WDR5: variants seen among roughly 807,000 people sequenced by gnomAD.
The protein encoded by WDR5 is WD repeat domain 5.
For missense variants in WDR5, 187 were observed against 416.9 expected (o/e 0.45, Z 4.80); for synonymous variants, 144 against 161.6 (o/e 0.89, Z 0.83).
At chr9:134,155,475 A>T (rs1832706490) in intron 11 of WDR5, 102 bp downstream of exon 11, 4 of 1,460,948 alleles carry the variant, frequency 2.7e-6, no homozygotes, top group African/African-American at 2.8e-5. Context: ...AGAGGAGCTC[A>T]GAGAGCCATC....
chr9:134,154,333 G>T, intron 9 of WDR5, 133 bp from the exon 10 acceptor site: 1 of 891,194 alleles, frequency 1.1e-6, no homozygotes, highest in Non-Finnish European at 1.8e-6. Flanking sequence ...GCGAGGGGTG[G>T]TGGTGCTGGC....
chr9:134,155,665 G>C (rs959247077), intron 11 of WDR5, 28 bp from the exon 12 acceptor site: 3 of 1,610,162 alleles, frequency 1.9e-6, no homozygotes, highest in Non-Finnish European at 2.5e-6. Context: ...CCATGACTCT[G>C]TGACCAGCCT....
At chr9:134,147,633 G>T (rs909980797) in intron 7 of WDR5, among the ~76,000 whole-genome samples, 2 of 152,174 alleles carry the variant, frequency 1.3e-5, no homozygotes, top group Non-Finnish European at 2.9e-5. Flanking sequence ...TTAAACCACG[G>T]CTTCCTTGTG....
Position 134,141,933 on chromosome 9 carries a change from GT to G in WDR5, c.265-10del. 6.2e-7 allele frequency: 1 copy of G among 1,613,460 alleles called. No individual in the cohort carries two copies. The highest frequency in any genetic ancestry group is 1.1e-5 in the South Asian group (1 of 91,058). ...TTTGTCCTGTCAAGTTACTGACCCTGTTTTTTCTCCCCAAGGGAATATCCGA... is the reference window on the plus strand; with the variant it reads ...TTTGTCCTGTCAAGTTACTGACCCTGTTTTTCTCCCCAAGGGAATATCCGA... On this transcript the variant is annotated splice_polypyrimidine_tract_variant and intron_variant, in intron 4 of 13. Transcript: ENST00000358625.
At chr9:134,145,423 C>T (rs1832142133) in intron 7 of WDR5, among the ~76,000 whole-genome samples, 1 of 152,174 alleles carries the variant, frequency 6.6e-6, no homozygotes, top group Non-Finnish European at 1.5e-5. Context: ...TGTCTGCGCA[C>T]ATCTATGCCC....
chr9:134,149,512 G>A (rs1832387679), intron 8 of WDR5, among the ~76,000 whole-genome samples: 1 of 152,248 alleles, frequency 6.6e-6, no homozygotes, highest in Non-Finnish European at 1.5e-5. Flanking sequence ...CACAGGGTGA[G>A]CTATGGGCGA....
At chr9:134,144,801 A>G (rs1482951294) in intron 7 of WDR5, among the ~76,000 whole-genome samples, 1 of 152,074 alleles carries the variant, frequency 6.6e-6, no homozygotes, top group East Asian at 1.9e-4. Context: ...GTACCACTGC[A>G]CTCCAGCCTG....
chr9:134,143,258 A>G (rs1831990848), intron 7 of WDR5, among the ~76,000 whole-genome samples: 1 of 152,202 alleles, frequency 6.6e-6, no homozygotes, highest in South Asian at 2.1e-4. Flanking sequence ...AACGGCCGAG[A>G]GGCCGGGCGT....
At chr9:134,147,385 C>T (rs187885061) in intron 7 of WDR5, among the ~76,000 whole-genome samples, 7 of 152,260 alleles carry the variant, frequency 4.6e-5, no homozygotes, top group East Asian at 1.9e-4. Context: ...AGTAGCTCAC[C>T]GGTGCCTTTG....
Position 134,158,891 on chromosome 9 carries a change from CGAAGGAGCCAAGCTCCT to C in WDR5, c.*901_*917del, listed in dbSNP as rs1211200872. 5.9e-5 allele frequency: 9 copies of C among 152,132 alleles called. No individual in the cohort carries two copies. Among genetic ancestry groups the C allele is most frequent in the Admixed American group, 3.3e-4 (5 of 15,278 alleles). 9.4% of individuals were successfully genotyped at this position (152,132 alleles called of 1,614,324 possible). Reference sequence around the variant, plus strand: ...ACGGGGGTGGGGAGGTTCTTAGTTGCGAAGGAGCCAAGCTCCTGATGGACTTGCGTTGGGATGTGGGG... The same window carrying C: ...ACGGGGGTGGGGAGGTTCTTAGTTGCGATGGACTTGCGTTGGGATGTGGGG... On this transcript the variant is annotated 3_prime_UTR_variant, in exon 14 of 14. Coordinates refer to ENST00000358625, the MANE Select transcript of WDR5 (RefSeq NM_017588.3).
intron 1 of WDR5, among the ~76,000 whole-genome samples, chr9:134,137,492 G>C (rs951021229): frequency 1.3e-5 from 2 of 151,946 alleles, no homozygotes; most frequent in Non-Finnish European, 2.9e-5. Flanking sequence ...AGACTAGCCT[G>C]GGCAACATGG....
At chr9:134,136,824 G>A (rs546579336) in intron 1 of WDR5, among the ~76,000 whole-genome samples, 2 of 152,256 alleles carry the variant, frequency 1.3e-5, no homozygotes, top group East Asian at 3.9e-4. Context: ...CTGTTACATC[G>A]CTAACGACAC....
chr9:134,136,459 A>T (rs1379683352), intron 1 of WDR5, among the ~76,000 whole-genome samples: 4 of 151,698 alleles, frequency 2.6e-5, no homozygotes, highest in African/African-American at 9.7e-5. Flanking sequence ...CGGACCGCTG[A>T]CAAGGCCAGA....
intron 9 of WDR5, among the ~76,000 whole-genome samples, chr9:134,152,737 C>T (rs748761921): frequency 2.6e-5 from 4 of 152,218 alleles, no homozygotes; most frequent in Non-Finnish European, 4.4e-5. Flanking sequence ...CCCTTCTTCC[C>T]TCTAGTCTGT....
chr9:134,139,433 T>C (rs1442284097), intron 1 of WDR5, among the ~76,000 whole-genome samples: 5 of 152,250 alleles, frequency 3.3e-5, no homozygotes, highest in South Asian at 4.1e-4. Context: ...CTCAGTCTTC[T>C]GTCATTTGGC....
intron 1 of WDR5, among the ~76,000 whole-genome samples, chr9:134,138,134 T>C (rs1441850177): frequency 6.6e-6 from 1 of 152,214 alleles, no homozygotes; most frequent in African/African-American, 2.4e-5. Context: ...AGGTTGGGCT[T>C]GAGCTGGGAG....
intron 9 of WDR5, among the ~76,000 whole-genome samples, chr9:134,152,293 C>T (rs374093944): frequency 7.2e-5 from 11 of 152,376 alleles, no homozygotes; most frequent in South Asian, 6.2e-4. Context: ...GGCCTCACTC[C>T]GGCTGCTCAC....
At chr9:134,138,736 C>T (rs1485933625) in intron 1 of WDR5, among the ~76,000 whole-genome samples, 1 of 152,212 alleles carries the variant, frequency 6.6e-6, no homozygotes, top group Non-Finnish European at 1.5e-5. Context: ...GACTTTGAGA[C>T]ATGCTTTTTA....
intron 1 of WDR5, among the ~76,000 whole-genome samples, chr9:134,137,051 C>A (rs1289691731): frequency 6.6e-6 from 1 of 152,206 alleles, no homozygotes; most frequent in Non-Finnish European, 1.5e-5. Context: ...GTTTAAGATG[C>A]AGATTAATTC....
Sources: gnomAD v4.1 joint callset for allele counts (sites outside exome capture counted in the v4.1 genomes callset) on GRCh38, gnomAD v4.1.1 for gene constraint, MANE v1.5 for transcripts, NCBI Gene and HGNC (gene_info 2026-07-23, HGNC 2026-07-21) for gene names.